Variants in SIPA1L3 observed in about 807,000 individuals in gnomAD.
SIPA1L3 encodes signal induced proliferation associated 1 like 3, also known as signal-induced proliferation-associated 1-like protein 3.
In SIPA1L3, 59 loss-of-function variants were observed where a neutral mutation model predicts 150.1. That is an observed-to-expected ratio of 0.39 (90% CI 0.32 to 0.49). SIPA1L3 has a LOEUF of 0.49. SIPA1L3 is among the 20% of genes least tolerant of loss of function. The probability of loss-of-function intolerance (pLI) is 0.86; values close to 1 mark genes in which losing one functional copy is unlikely to be tolerated. For synonymous variants in SIPA1L3, 1,070 were observed against 1,077.6 expected, an observed-to-expected ratio of 0.99 and a Z score of 0.14; for missense variants, 2,211 against 2,489.5, an observed-to-expected ratio of 0.89 and a Z score of 2.38.
At chr19:38,124,790 A>G (rs1971132395) in intron 9 of SIPA1L3, among the ~76,000 whole-genome samples, 1 of 152,216 alleles carries the variant, frequency 6.6e-6, no homozygotes, top group Admixed American at 6.5e-5. Flanking sequence ...ACTCGCGGTT[A>G]GGAGCTGGAG....
At chr19:38,107,244 C>T (rs10406765) in intron 7 of SIPA1L3, among the ~76,000 whole-genome samples, 4,197 of 152,268 alleles carry the variant, frequency 0.028, 186 homozygotes, top group African/African-American at 0.095. Flanking sequence ...AGAGCTGAGT[C>T]TCATTGGACT....
chr19:38,162,526 A>G (rs535797414), intron 14 of SIPA1L3, among the ~76,000 whole-genome samples, 155 bp downstream of exon 14: 112 of 152,344 alleles, frequency 7.4e-4, no homozygotes, highest in Admixed American at 7.3e-3. Context: ...CCAGGTTCAC[A>G]TTCTGGCTCC....
At chr19:38,205,845 G>A (rs962255159) in intron 21 of SIPA1L3, among the ~76,000 whole-genome samples, 7 of 152,216 alleles carry the variant, frequency 4.6e-5, no homozygotes, top group African/African-American at 9.6e-5. Flanking sequence ...ATGTGGTTGC[G>A]TTCCGGGAGC....
At chr19:38,126,363 A>G (rs1006385744) in intron 9 of SIPA1L3, among the ~76,000 whole-genome samples, 1 of 152,190 alleles carries the variant, frequency 6.6e-6, no homozygotes, top group African/African-American at 2.4e-5. Flanking sequence ...TAGTTACCAC[A>G]GTTTAACATT....
chr19:38,151,216 G>A (rs1023777721), intron 12 of SIPA1L3, among the ~76,000 whole-genome samples: 1 of 152,204 alleles, frequency 6.6e-6, no homozygotes, highest in Non-Finnish European at 1.5e-5. Context: ...AGAAGCCTCT[G>A]GGCAGACTTA....
Position 38,204,211 on chromosome 19 carries a change from A to G in SIPA1L3, c.5202+3A>G. 6.4e-7 allele frequency: 1 copy of G among 1,553,554 alleles called. No individual in the cohort carries two copies. The highest frequency in any genetic ancestry group is 8.7e-7 in the Non-Finnish European group (1 of 1,148,378). On this transcript the variant is annotated splice_donor_region_variant and intron_variant, in intron 21 of 21. Coordinates refer to ENST00000222345, the MANE Select transcript of SIPA1L3 (RefSeq NM_015073.3). ...AGCTGCACACTGACCTGCAGAAGGT[A>G]AGGCCGGGGGCCACGCCCTCTCCAT... is the stretch of plus-strand genomic sequence containing the variant.
rs3045988 is a variant in SIPA1L3 at position 38,138,897 on chromosome 19, C to CAAAAAAAAAAAAAAAAA, written c.3144-2285_3144-2269dup. On this transcript the variant is annotated intron_variant, in intron 10 of 21. Coordinates refer to ENST00000222345, the MANE Select transcript of SIPA1L3 (RefSeq NM_015073.3). ...TGGGTGACAGAACGAGACTCTATCT[C>CAAAAAAAAAAAAAAAAA]AAAAAAAAAAAAAAAAAACTGAGTG... Among the ~76,000 whole-genome samples the CAAAAAAAAAAAAAAAAA allele has an allele frequency of 1.4e-4, 6 of 44,132 alleles. 1 individual carries two copies. Among genetic ancestry groups the CAAAAAAAAAAAAAAAAA allele is most frequent in the African/African-American group, 5.4e-4 (5 of 9,296 alleles). The allele number at this position is 44,132 out of a possible 152,430, so 29.0% of individuals were successfully genotyped here.
At chr19:38,194,256 T>C (rs564875708) in intron 18 of SIPA1L3, among the ~76,000 whole-genome samples, 2 of 152,298 alleles carry the variant, frequency 1.3e-5, no homozygotes, top group Admixed American at 1.3e-4. Context: ...AAATATTTAC[T>C]GAGCACTCCC....
intron 8 of SIPA1L3, among the ~76,000 whole-genome samples, chr19:38,118,736 A>G (rs1305605192): frequency 1.3e-5 from 2 of 151,500 alleles, no homozygotes; most frequent in East Asian, 2.0e-4. Context: ...GCTTTACCAT[A>G]TTGGTCAGGC....
intron 2 of SIPA1L3, among the ~76,000 whole-genome samples, chr19:38,078,909 A>C (rs895310365): frequency 6.6e-6 from 1 of 152,202 alleles, no homozygotes; most frequent in African/African-American, 2.4e-5. Context: ...GACAAAGGGA[A>C]GTGACCCCGC....
intron 2 of SIPA1L3, among the ~76,000 whole-genome samples, chr19:38,064,964 A>G (rs973924199): frequency 2.1e-4 from 32 of 152,072 alleles, no homozygotes; most frequent in Non-Finnish European, 4.4e-5. Context: ...ACCAGGGAAG[A>G]CCTCCAGCAT....
intron 2 of SIPA1L3, among the ~76,000 whole-genome samples, chr19:38,055,300 G>A (rs1969291523): frequency 1.3e-5 from 2 of 152,162 alleles, no homozygotes. Context: ...GGGGGTGCAG[G>A]GACAGGGAGC....
intron 2 of SIPA1L3, among the ~76,000 whole-genome samples, chr19:38,039,857 C>T (rs1344175089): frequency 6.6e-6 from 1 of 152,090 alleles, no homozygotes; most frequent in Non-Finnish European, 1.5e-5. Flanking sequence ...CAGTGGCTCA[C>T]GCCTGTAATC....
chr19:38,018,069 C>G (rs1802658518), intron 1 of SIPA1L3, among the ~76,000 whole-genome samples: 1 of 151,712 alleles, frequency 6.6e-6, no homozygotes, highest in Non-Finnish European at 1.5e-5. Flanking sequence ...GTATCCTTCT[C>G]CATCTCCTGG....
chr19:38,079,694 T>C (rs1969933946), intron 2 of SIPA1L3, among the ~76,000 whole-genome samples: 1 of 152,078 alleles, frequency 6.6e-6, no homozygotes, highest in South Asian at 2.1e-4. Context: ...TAGCTGGGAC[T>C]ACAGGCACAT....
chr19:38,063,752 G>T (rs903899818), intron 2 of SIPA1L3, among the ~76,000 whole-genome samples: 1 of 152,212 alleles, frequency 6.6e-6, no homozygotes, highest in East Asian at 1.9e-4. Flanking sequence ...CCCCTGTGGG[G>T]CCCCAGTGTT....
rs77016552 is a variant in SIPA1L3, at chr19:38,012,256, T to A, written c.-378-16833T>A. ...GCATGCCCCCATGTCCAGCTGATAT[T>A]TTTTTTTTGGTAGAGATGGGGGTCT... On this transcript the variant is annotated intron_variant, in intron 1 of 21. Transcript: ENST00000222345. Among the ~76,000 whole-genome samples, 1,505 of 150,958 alleles carry A rather than the reference T, an allele frequency of 1.0e-2. 21 individuals carry two copies. Among genetic ancestry groups the A allele is most frequent in the African/African-American group, 0.033 (1,374 of 41,240 alleles).
At chr19:37,938,680 G>A (rs565877553) in intron 1 of SIPA1L3, among the ~76,000 whole-genome samples, 1 of 147,450 alleles carries the variant, frequency 6.8e-6, no homozygotes, top group African/African-American at 2.5e-5. Context: ...CTGGAGTGCA[G>A]TGGTGTGATT....
chr19:37,928,791 A>T (rs2046528230), intron 1 of SIPA1L3, among the ~76,000 whole-genome samples: 1 of 152,204 alleles, frequency 6.6e-6, no homozygotes, highest in Non-Finnish European at 1.5e-5. Context: ...AATTGGCCTG[A>T]AATAACGAGA....
Sources: gnomAD v4.1 joint callset for allele counts (sites outside exome capture counted in the v4.1 genomes callset) on GRCh38, gnomAD v4.1.1 for gene constraint, MANE v1.5 for transcripts, NCBI Gene and HGNC (gene_info 2026-07-23, HGNC 2026-07-21) for gene names.